Variants in STK11 observed in about 807,000 individuals in gnomAD.
STK11 encodes the protein serine/threonine-protein kinase STK11.
Under a neutral mutation model 47.3 loss-of-function variants are expected in STK11, and 8 were observed. The observed-to-expected ratio is 0.17, with a 90% CI of 0.10 to 0.31. The LOEUF is 0.31. Among genes scored for constraint, STK11 ranks in the 10% least tolerant of loss-of-function variants. STK11 has a pLI of 1.00. For synonymous variants in STK11, 330 were observed against 255.8 expected (o/e 1.29, Z -2.77); for missense variants, 475 against 605.0 (o/e 0.79, Z 2.25).
In STK11 at chr19:1,206,367, G is replaced by A. The variant is rs999582235; in HGVS notation, c.-547G>A. On this transcript the variant is annotated 5_prime_UTR_variant, in exon 1 of 10. Transcript: ENST00000326873. ...GTCCGCGGCGGAGCGTTTGCTCCTGGGACAGGCGGTGGGACCGGGGCGTCG... is the reference window on the plus strand; with the variant it reads ...GTCCGCGGCGGAGCGTTTGCTCCTGAGACAGGCGGTGGGACCGGGGCGTCG... 7 of 232,084 alleles carry A rather than the reference G, an allele frequency of 3.0e-5. No individual in the cohort carries two copies. The highest frequency in any genetic ancestry group is 6.0e-5 in the Non-Finnish European group (7 of 117,358). 14.4% of individuals were successfully genotyped at this position (232,084 alleles called of 1,614,324 possible).
chr19:1,209,808 C>T (rs761314725), intron 1 of STK11, among the ~76,000 whole-genome samples: 10 of 151,906 alleles, frequency 6.6e-5, no homozygotes, highest in South Asian at 2.1e-4. Context: ...TGGAGACAGG[C>T]AAGAAGGTTG....
At chr19:1,224,512 A>T (rs1025995674) in intron 8 of STK11, 2 of 985,366 alleles carry the variant, frequency 2.0e-6, no homozygotes, top group Non-Finnish European at 2.4e-6. Flanking sequence ...AATCCCAGGC[A>T]GGAGGGCCAG....
chr19:1,219,320 C>G lies in STK11; in HGVS notation c.375-4C>G, dbSNP rs752312972. 2 of 1,580,848 alleles carry G rather than the reference C, an allele frequency of 1.3e-6. No homozygotes were observed. Among genetic ancestry groups the G allele is most frequent in the Non-Finnish European group, 1.7e-6 (2 of 1,164,042 alleles). On this transcript the variant is annotated splice_region_variant and splice_polypyrimidine_tract_variant and intron_variant, in intron 2 of 9. Coordinates refer to ENST00000326873, the MANE Select transcript of STK11 (RefSeq NM_000455.5). ...CCCTGAGCTGTGTGTCCTTAGCGCC[C>G]CACGTATATGGTGATGGAGTACTGC...
At position 1,228,221 on chromosome 19, in the gene STK11, C is replaced by A; in HGVS notation, c.*645C>A. 1 of 817,056 alleles carries A rather than the reference C, an allele frequency of 1.2e-6. No individual in the cohort carries two copies. The highest frequency in any genetic ancestry group is 1.5e-6 in the Non-Finnish European group (1 of 652,924). 50.6% of individuals were successfully genotyped at this position (817,056 alleles called of 1,614,324 possible). On this transcript the variant is annotated 3_prime_UTR_variant, in exon 10 of 10. Coordinates refer to ENST00000326873, the MANE Select transcript of STK11 (RefSeq NM_000455.5). ...TTGGCGGCCCGGCCGGAGGGCAGGA[C>A]CCTCACCTCTCCCCCAAGGCCACTG... is the stretch of plus-strand genomic sequence containing the variant.
intron 1 of STK11, among the ~76,000 whole-genome samples, chr19:1,208,477 T>G (rs1168976770): frequency 6.7e-6 from 1 of 149,860 alleles, no homozygotes; most frequent in African/African-American, 2.5e-5. Context: ...CCGGCCAATT[T>G]TTTGTATTTT....
chr19:1,207,283 C>CCCTCCCTCCCTTACTT, intron 1 of STK11, 80 bp downstream of exon 1: 1 of 1,479,434 alleles, frequency 6.8e-7, no homozygotes, highest in Non-Finnish European at 9.1e-7. Flanking sequence ...CTTCTCTCCT[C>CCCTCCCTCCCTTACTT]CCTCCCTCCC....
At chr19:1,226,702 A>G (rs2080825462) in intron 9 of STK11, 39 bp downstream of exon 9, 1 of 1,456,584 alleles carries the variant, frequency 6.9e-7, no homozygotes, top group East Asian at 2.5e-5. Flanking sequence ...ATGTGGGGAC[A>G]ACGCCTGGAT....
intron 1 of STK11, among the ~76,000 whole-genome samples, chr19:1,217,767 G>T (rs562247573): frequency 2.0e-5 from 3 of 152,190 alleles, no homozygotes; most frequent in South Asian, 2.1e-4. Context: ...ACTGTGTGAC[G>T]GAGCCATCAC....
In STK11 at chr19:1,228,209, C is replaced by G; in HGVS notation, c.*633C>G. On this transcript the variant is annotated 3_prime_UTR_variant, in exon 10 of 10. Coordinates refer to ENST00000326873, the MANE Select transcript of STK11 (RefSeq NM_000455.5). The stretch of plus-strand genomic sequence containing the variant: ...GGTCACCCTGCTTTGGCGGCCCGGC[C>G]GGAGGGCAGGACCCTCACCTCTCCC... The G allele has an allele frequency of 4.3e-6, 4 of 938,902 alleles. No individual in the cohort carries two copies. The highest frequency in any genetic ancestry group is 5.2e-6 in the Non-Finnish European group (4 of 763,772). 58.2% of individuals were successfully genotyped at this position (938,902 alleles called of 1,614,324 possible).
At chr19:1,209,102 A>G (rs944627888) in intron 1 of STK11, among the ~76,000 whole-genome samples, 1 of 152,054 alleles carries the variant, frequency 6.6e-6, no homozygotes, top group African/African-American at 2.4e-5. Flanking sequence ...AGGTGTGGCC[A>G]GTGCCTTGAG....
At chr19:1,208,810 A>C (rs1352320201) in intron 1 of STK11, among the ~76,000 whole-genome samples, 2 of 130,074 alleles carry the variant, frequency 1.5e-5, no homozygotes, top group East Asian at 2.3e-4. Flanking sequence ...TTTAGTAGAG[A>C]CGGGGTTTCA....
chr19:1,211,087 C>T (rs2080707012), intron 1 of STK11, among the ~76,000 whole-genome samples: 1 of 151,834 alleles, frequency 6.6e-6, no homozygotes, highest in Non-Finnish European at 1.5e-5. Context: ...CCAGCCTGGC[C>T]AATATGGCGA....
At chr19:1,226,274 G>A (rs898105886) in intron 8 of STK11, 180 bp from the exon 9 acceptor site, 17 of 1,432,750 alleles carry the variant, frequency 1.2e-5, no homozygotes, top group Non-Finnish European at 1.5e-5. Context: ...GCCCCGGGGG[G>A]TGCCTCCCAG....
intron 5 of STK11, 146 bp downstream of exon 5, chr19:1,220,863 T>C: frequency 7.7e-7 from 1 of 1,297,110 alleles, no homozygotes; most frequent in Non-Finnish European, 1.0e-6. Flanking sequence ...GCTTACTTTA[T>C]GGAAATGTAA....
At chr19:1,213,884 G>C (rs1285675606) in intron 1 of STK11, among the ~76,000 whole-genome samples, 1 of 152,258 alleles carries the variant, frequency 6.6e-6, no homozygotes, top group Non-Finnish European at 1.5e-5. Flanking sequence ...GGAGGCCGGG[G>C]CGAGGGCCAG....
intron 7 of STK11, among the ~76,000 whole-genome samples, chr19:1,222,777 AG>A (rs2080794192): frequency 6.6e-6 from 1 of 152,116 alleles, no homozygotes; most frequent in African/African-American, 2.4e-5. Flanking sequence ...CTCAGGGTGG[AG>A]GGGACATCTG....
rs1433224892 is a variant in STK11 at position 1,206,052 on chromosome 19, C to T, written c.-862C>T. The T allele has an allele frequency of 6.9e-6, 1 of 145,838 alleles. No homozygotes were observed. Among genetic ancestry groups the T allele is most frequent in the Non-Finnish European group, 1.5e-5 (1 of 65,688 alleles). 9.0% of individuals were successfully genotyped at this position (145,838 alleles called of 1,614,324 possible). ...CTCGGCCGCCGGGAGCCCCGTGGAG[C>T]CCCCGCCGCCGCGCCGCCCCGCGGA... On this transcript the variant is annotated 5_prime_UTR_variant, in exon 1 of 10. Transcript: ENST00000326873.
intron 2 of STK11, 110 bp downstream of exon 2, chr19:1,218,610 A>G: frequency 1.0e-6 from 1 of 967,338 alleles, no homozygotes; most frequent in Non-Finnish European, 1.6e-6. Flanking sequence ...GGAGACTGGC[A>G]CACGAGGGCC....
intron 1 of STK11, among the ~76,000 whole-genome samples, chr19:1,211,412 C>CG (rs1354609727): frequency 2.0e-5 from 3 of 151,602 alleles, no homozygotes; most frequent in African/African-American, 7.3e-5. Context: ...CCGTGCTTCT[C>CG]GGGGGACAGC....
Sources: allele counts gnomAD v4.1 joint callset (sites outside exome capture counted in the v4.1 genomes callset), GRCh38; gene constraint gnomAD v4.1.1; transcripts MANE v1.5; gene names NCBI Gene and HGNC (gene_info 2026-07-23, HGNC 2026-07-21).